Variants in FBXO15 observed in about 807,000 individuals in gnomAD.
FBXO15 encodes the protein F-box only protein 15.
A neutral mutation model predicts 49.5 loss-of-function variants in FBXO15; 30 were observed. That is an observed-to-expected ratio of 0.61 (90% CI 0.45 to 0.82). FBXO15 has a LOEUF of 0.82. Among genes scored for constraint, FBXO15 ranks in the 40% least tolerant of loss-of-function variants. FBXO15 has a pLI of 0.00. For missense variants in FBXO15, 591 were observed against 631.5 expected (o/e 0.94, Z 0.69); for synonymous variants, 250 against 232.7 (o/e 1.07, Z -0.68).
At chr18:74,134,316 A>G (rs1343653068) in intron 3 of FBXO15, among the ~76,000 whole-genome samples, 1 of 151,814 alleles carries the variant, frequency 6.6e-6, no homozygotes, top group Non-Finnish European at 1.5e-5. Flanking sequence ...ACAAAGATGG[A>G]CTAGATTAGT....
intron 2 of FBXO15, among the ~76,000 whole-genome samples, chr18:74,138,099 T>C (rs969178854): frequency 1.3e-5 from 2 of 152,096 alleles, no homozygotes; most frequent in African/African-American, 4.8e-5. Flanking sequence ...GAATCTCTCA[T>C]CTGAAACTGC....
Position 74,091,610 on chromosome 18 carries a change from G to C in FBXO15, c.1139-9559C>G, listed in dbSNP as rs943311837. On this transcript the variant is annotated intron_variant, in intron 8 of 9. Coordinates refer to ENST00000419743, the MANE Select transcript of FBXO15 (RefSeq NM_001142958.2). Reference sequence around the variant, plus strand: ...TATCAAAATCTCTTAGCATTTGCTTGTCTGAAAAGGATCTTATTTCTCTTT... The same window carrying C: ...TATCAAAATCTCTTAGCATTTGCTTCTCTGAAAAGGATCTTATTTCTCTTT... 2.0e-5 allele frequency among the ~76,000 whole-genome samples: 3 copies of C among 152,276 alleles called. No individual in the cohort carries two copies. In the East Asian group the frequency reaches 5.8e-4, roughly 29 times the overall value.
At chr18:74,096,388 G>A (rs1281693781) in intron 8 of FBXO15, among the ~76,000 whole-genome samples, 2 of 151,754 alleles carry the variant, frequency 1.3e-5, no homozygotes, top group Non-Finnish European at 2.9e-5. Flanking sequence ...TACTCTTTGG[G>A]GCCTCCTGCA....
intron 8 of FBXO15, among the ~76,000 whole-genome samples, chr18:74,085,146 C>A (rs1912684234): frequency 6.6e-6 from 1 of 151,778 alleles, no homozygotes; most frequent in Admixed American, 6.6e-5. Context: ...ATAATTAATA[C>A]TTATATAAAT....
intron 5 of FBXO15, 114 bp downstream of exon 5, chr18:74,129,286 CATTTA>C: frequency 1.2e-6 from 1 of 811,682 alleles, no homozygotes; most frequent in Non-Finnish European, 1.9e-6. Context: ...GCAGAATGTA[CATTTA>C]ATATGTGATA....
chr18:74,090,236 G>A (rs566608264), intron 8 of FBXO15, among the ~76,000 whole-genome samples: 1 of 152,114 alleles, frequency 6.6e-6, no homozygotes, highest in East Asian at 1.9e-4. Context: ...CAGGGTTTTT[G>A]TATTCCTCTA....
chr18:74,129,795 C>T (rs76462242), intron 4 of FBXO15, among the ~76,000 whole-genome samples, 181 bp from the exon 5 acceptor site: 1,704 of 152,274 alleles, frequency 0.011, 10 homozygotes, highest in Middle Eastern at 0.034. Flanking sequence ...TTTTTCTCCT[C>T]ACCTAACACC....
At chr18:74,097,166 G>T (rs967204058) in intron 8 of FBXO15, 2 of 152,288 alleles carry the variant, frequency 1.3e-5, no homozygotes, top group Admixed American at 1.3e-4. Flanking sequence ...ACTGGGAAAA[G>T]ACCAAAAGGA....
chr18:74,143,870 G>T (rs1979239777), intron 1 of FBXO15, among the ~76,000 whole-genome samples: 1 of 152,106 alleles, frequency 6.6e-6, no homozygotes, highest in African/African-American at 2.4e-5. Flanking sequence ...CATGCACTTT[G>T]TGTCCTTTCT....
chr18:74,134,872 C>A (rs1015358384), intron 3 of FBXO15, among the ~76,000 whole-genome samples: 1 of 152,138 alleles, frequency 6.6e-6, no homozygotes, highest in Non-Finnish European at 1.5e-5. Context: ...TGCCACTCTC[C>A]GTCTCCTTAC....
chr18:74,086,399 G>A lies in FBXO15; in HGVS notation c.1139-4348C>T, dbSNP rs185698065. On this transcript the variant is annotated intron_variant, in intron 8 of 9. Transcript: ENST00000419743. ...TTTCATACCCTTGACATTTTCTATT[G>A]TGTCTTACAGAGTAAGCACTGAATA... Among the ~76,000 whole-genome samples the A allele has an allele frequency of 4.5e-4, 69 of 152,152 alleles. 1 individual carries two copies. The highest frequency in any genetic ancestry group is 1.4e-3 in the African/African-American group (60 of 41,518).
At chr18:74,110,010 G>A (rs1323702218) in intron 8 of FBXO15, among the ~76,000 whole-genome samples, 1 of 151,488 alleles carries the variant, frequency 6.6e-6, no homozygotes, top group Non-Finnish European at 1.5e-5. Flanking sequence ...ATAAAGATCA[G>A]AAACTTAGAT....
rs1336945464 is a variant in FBXO15 at position 74,081,962 on chromosome 18, A to C, written c.1228T>G (p.Ser410Ala). 7 of 1,613,258 alleles carry C rather than the reference A, an allele frequency of 4.3e-6. No individual in the cohort carries two copies. The highest frequency in any genetic ancestry group is 1.3e-5 in the African/African-American group (1 of 74,904). ...CCATCAAAAATATCAGTTTTCCACG[A>C]GAGGCCAACTTTTCCAATAAGAGGT... Reference protein sequence around the residue: ...HLPLIGKVGLSWKTDIFDGCI... With the variant: ...HLPLIGKVGLAWKTDIFDGCI... Residue 410 changes from serine (S) to alanine (A), a missense_variant, in exon 9 of 10, where the codon TCG (serine) becomes GCG (alanine). Transcript: ENST00000419743.
chr18:74,086,442 G>GTTTT (rs1912741180), intron 8 of FBXO15, among the ~76,000 whole-genome samples: 1 of 152,088 alleles, frequency 6.6e-6, no homozygotes, highest in African/African-American at 2.4e-5. Context: ...GTTTTGTTTT[G>GTTTT]TTTTTAGACG....
intron 3 of FBXO15, chr18:74,130,918 G>A (rs762170540): frequency 2.5e-5 from 8 of 324,664 alleles, no homozygotes; most frequent in South Asian, 3.6e-5. Flanking sequence ...GTAATCTCAC[G>A]TTATTTAGGA....
At chr18:74,135,897 A>G in intron 2 of FBXO15, 31 bp from the exon 3 acceptor site, 2 of 1,479,102 alleles carry the variant, frequency 1.4e-6, no homozygotes, top group Non-Finnish European at 1.9e-6. Flanking sequence ...AAAAAAAATC[A>G]CCAGAGTGGA....
intron 8 of FBXO15, among the ~76,000 whole-genome samples, chr18:74,101,134 G>A (rs1176034620): frequency 6.6e-6 from 1 of 152,124 alleles, no homozygotes; most frequent in East Asian, 1.9e-4. Flanking sequence ...TATCCCTGAT[G>A]AACACAGATG....
At chr18:74,093,865 T>A (rs1913162062) in intron 8 of FBXO15, among the ~76,000 whole-genome samples, 1 of 152,208 alleles carries the variant, frequency 6.6e-6, no homozygotes, top group Non-Finnish European at 1.5e-5. Flanking sequence ...GGTTTTCAAT[T>A]GACTTTGCCC....
intron 6 of FBXO15, among the ~76,000 whole-genome samples, 179 bp from the exon 7 acceptor site, chr18:74,124,750 T>G (rs370570793): frequency 2.0e-5 from 3 of 152,214 alleles, no homozygotes; most frequent in African/African-American, 7.2e-5. Flanking sequence ...CTAATAAGAC[T>G]TATATTTCAT....
Sources: gnomAD v4.1 joint callset for allele counts (sites outside exome capture counted in the v4.1 genomes callset) on GRCh38, gnomAD v4.1.1 for gene constraint, MANE v1.5 for transcripts, NCBI Gene and HGNC (gene_info 2026-07-23, HGNC 2026-07-21) for gene names.